Variants in MGAT5 observed in about 807,000 individuals in gnomAD.
MGAT5 encodes the protein alpha-1,6-mannosylglycoprotein 6-beta-N-acetylglucosaminyltransferase A.
A neutral mutation model predicts 94.3 loss-of-function variants in MGAT5; 30 were observed. The ratio of observed to expected loss-of-function variants is 0.32; its 90% CI spans 0.24 to 0.43. The LOEUF (loss-of-function observed/expected upper bound fraction) is 0.43. MGAT5 is among the 20% of genes least tolerant of loss of function. MGAT5 has a pLI of 1.00. For missense variants in MGAT5, 691 were observed against 905.5 expected (o/e 0.76, Z 3.04); for synonymous variants, 310 against 322.9 (o/e 0.96, Z 0.43).
chr2:134,134,909 G>A (rs1292001494), intron 1 of MGAT5, among the ~76,000 whole-genome samples: 4 of 152,148 alleles, frequency 2.6e-5, no homozygotes, highest in African/African-American at 7.2e-5. Flanking sequence ...AGTAAACATC[G>A]ACGTTTCCAG....
intron 12 of MGAT5, among the ~76,000 whole-genome samples, chr2:134,414,668 C>T (rs183047610): frequency 2.0e-5 from 3 of 152,290 alleles, no homozygotes; most frequent in African/African-American, 7.2e-5. Flanking sequence ...GTATGCAATA[C>T]AGTATTGTTA....
chr2:134,160,905 A>G (rs113976377), intron 1 of MGAT5, among the ~76,000 whole-genome samples: 16 of 152,362 alleles, frequency 1.1e-4, no homozygotes, highest in African/African-American at 3.8e-4. Flanking sequence ...CTGCTCTGCC[A>G]TGATCATTAG....
chr2:134,170,688 G>A (rs1688160872), intron 1 of MGAT5, among the ~76,000 whole-genome samples: 1 of 151,980 alleles, frequency 6.6e-6, no homozygotes, highest in Non-Finnish European at 1.5e-5. Context: ...CCCTTACTGA[G>A]GTCTTTCTCA....
At chr2:134,158,242 G>A (rs1220782246) in intron 1 of MGAT5, among the ~76,000 whole-genome samples, 1 of 152,168 alleles carries the variant, frequency 6.6e-6, no homozygotes, top group African/African-American at 2.4e-5. Flanking sequence ...TTTTTGCCTG[G>A]GAGTATGTCT....
chr2:134,142,299 G>C (rs1358181855), intron 1 of MGAT5, among the ~76,000 whole-genome samples: 1 of 152,162 alleles, frequency 6.6e-6, no homozygotes, highest in Non-Finnish European at 1.5e-5. Flanking sequence ...TGTTAACCTG[G>C]AAGAGCCAAT....
At chr2:134,202,823 C>T (rs1036690920) in intron 1 of MGAT5, among the ~76,000 whole-genome samples, 2 of 152,108 alleles carry the variant, frequency 1.3e-5, no homozygotes, top group African/African-American at 4.8e-5. Context: ...TGTAACCCAA[C>T]AACAAACACA....
At chr2:134,144,426 C>T (rs1025800890) in intron 1 of MGAT5, among the ~76,000 whole-genome samples, 74 of 152,226 alleles carry the variant, frequency 4.9e-4, no homozygotes, top group Non-Finnish European at 5.3e-4. Flanking sequence ...AGGAGAATAG[C>T]ACCTAGGGGA....
intron 4 of MGAT5, among the ~76,000 whole-genome samples, chr2:134,328,340 T>C (rs1177417500): frequency 1.3e-5 from 2 of 152,040 alleles, no homozygotes; most frequent in African/African-American, 2.4e-5. Context: ...CCCTGTCTTG[T>C]CAGGGGGCAG....
intron 10 of MGAT5, among the ~76,000 whole-genome samples, chr2:134,370,759 C>G (rs1680742485): frequency 6.6e-6 from 1 of 152,198 alleles, no homozygotes; most frequent in South Asian, 2.1e-4. Context: ...AAGGGAGGAA[C>G]AGAGGAGAAA....
intron 1 of MGAT5, among the ~76,000 whole-genome samples, chr2:134,194,921 A>G (rs181446273): frequency 6.6e-6 from 1 of 152,302 alleles, no homozygotes; most frequent in African/African-American, 2.4e-5. Context: ...CTGATAATGC[A>G]GTTGAAGTTG....
chr2:134,434,085 G>A (rs1405589462), intron 14 of MGAT5, among the ~76,000 whole-genome samples: 1 of 152,064 alleles, frequency 6.6e-6, no homozygotes, highest in Non-Finnish European at 1.5e-5. Context: ...CCACTCCTCC[G>A]CTTTGCTCTG....
chr2:134,137,291 G>C (rs1447756451), intron 1 of MGAT5, among the ~76,000 whole-genome samples: 2 of 152,188 alleles, frequency 1.3e-5, no homozygotes, highest in Non-Finnish European at 2.9e-5. Context: ...CTAGGAATTG[G>C]GGCTTGGCTT....
At chr2:134,421,062 C>T (rs1159078125) in intron 12 of MGAT5, among the ~76,000 whole-genome samples, 1 of 152,130 alleles carries the variant, frequency 6.6e-6, no homozygotes, top group Non-Finnish European at 1.5e-5. Flanking sequence ...TACGTATGCC[C>T]ACATATAAAT....
intron 4 of MGAT5, chr2:134,319,659 T>A (rs1422137519): frequency 3.4e-6 from 1 of 290,494 alleles, no homozygotes; most frequent in East Asian, 1.2e-4. Flanking sequence ...TTCTGGTTGC[T>A]GATAGGCTTT....
chr2:134,169,873 G>A (rs1052117609), intron 1 of MGAT5, among the ~76,000 whole-genome samples: 1 of 152,164 alleles, frequency 6.6e-6, no homozygotes, highest in Non-Finnish European at 1.5e-5. Flanking sequence ...GACTCAGGAG[G>A]TAGCTTGTCT....
intron 1 of MGAT5, among the ~76,000 whole-genome samples, chr2:134,207,699 C>T (rs891111290): frequency 9.9e-5 from 15 of 152,032 alleles, no homozygotes; most frequent in Non-Finnish European, 2.1e-4. Flanking sequence ...CCTGCCTTAC[C>T]AGGGGTCTTG....
chr2:134,382,385 T>C (rs1463643154), intron 10 of MGAT5, among the ~76,000 whole-genome samples: 1 of 152,202 alleles, frequency 6.6e-6, no homozygotes, highest in African/African-American at 2.4e-5. Flanking sequence ...CTGGAGACTT[T>C]TCTATTGTGT....
At chr2:134,254,687 G>A in intron 1 of MGAT5, 43 bp downstream of exon 1, 2 of 1,607,102 alleles carry the variant, frequency 1.2e-6, no homozygotes, top group Non-Finnish European at 1.7e-6. Context: ...GTGTGCCTTG[G>A]CCTTGAAATG....
chr2:134,228,704 C>T (rs1197464175), intron 1 of MGAT5, among the ~76,000 whole-genome samples: 1 of 152,154 alleles, frequency 6.6e-6, no homozygotes. Context: ...TCTCTGGTGA[C>T]CTTCTTTTAT....
Sources: allele counts gnomAD v4.1 joint callset (sites outside exome capture counted in the v4.1 genomes callset), GRCh38; gene constraint gnomAD v4.1.1; transcripts MANE v1.5; gene names NCBI Gene and HGNC (gene_info 2026-07-23, HGNC 2026-07-21).